KLHDC4: variants seen among roughly 807,000 people sequenced by gnomAD.
The protein encoded by KLHDC4 is kelch domain containing 4.
Under a neutral mutation model 62.4 loss-of-function variants are expected in KLHDC4, and 90 were observed. The ratio of observed to expected loss-of-function variants is 1.44; its 90% CI spans 1.22 to 1.72. The LOEUF (loss-of-function observed/expected upper bound fraction) is 1.72, where lower values mean the gene tolerates loss of function less well. Ranked by LOEUF, KLHDC4 falls within the 40% of genes most tolerant of loss-of-function variation. The probability of loss-of-function intolerance (pLI) is 0.00; values close to 1 mark genes in which losing one functional copy is unlikely to be tolerated. For synonymous variants in KLHDC4, 386 were observed against 284.4 expected (o/e 1.36, Z -3.59); for missense variants, 1,025 against 699.7 (o/e 1.47, Z -5.25).
At chr16:87,746,074 G>T (rs737637) in intron 5 of KLHDC4, among the ~76,000 whole-genome samples, 40,142 of 151,678 alleles carry the variant, frequency 0.26, 6,029 homozygotes, top group Non-Finnish European at 0.35. Flanking sequence ...GACCAACCTG[G>T]GCAACATGAC....
chr16:87,700,669 CGGAGGGA>C (rs1189339053), exon 1 of KLHDC4: 1 of 124,770 alleles, frequency 8.0e-6, no homozygotes, highest in Non-Finnish European at 1.4e-5. Flanking sequence ...GGGCAGAGGG[CGGAGGGA>C]GGAGGTTGGA....
intron 7 of KLHDC4, among the ~76,000 whole-genome samples, chr16:87,716,736 C>T (rs2037073789): frequency 6.6e-6 from 1 of 152,054 alleles, no homozygotes; most frequent in African/African-American, 2.4e-5. Flanking sequence ...CAAGACTAAT[C>T]CTGGCTAACA....
chr16:87,722,636 C>T (rs2038611816), intron 7 of KLHDC4, among the ~76,000 whole-genome samples: 1 of 152,240 alleles, frequency 6.6e-6, no homozygotes, highest in Admixed American at 6.5e-5. Flanking sequence ...AGTCTGTAAC[C>T]AGCAGGGAGG....
chr16:87,719,822 G>C (rs1013636725), intron 7 of KLHDC4, among the ~76,000 whole-genome samples: 2 of 152,206 alleles, frequency 1.3e-5, no homozygotes, highest in Non-Finnish European at 2.9e-5. Flanking sequence ...TGGAGGGTGA[G>C]CGCAACAGGG....
In KLHDC4 at chr16:87,752,243, CAAAAAAGAAAAAA is replaced by C. The variant is rs549306525; in HGVS notation, c.369+2938_369+2950del. ...GCAATATAGCGAGACCCGTTCTCCA[CAAAAAAGAAAAAA>C]AAAAAAGACCAAAAAGAAAAAAATG... On this transcript the variant is annotated intron_variant, in intron 4 of 11. Transcript: ENST00000270583. 4.4e-3 allele frequency among the ~76,000 whole-genome samples: 573 copies of C among 130,060 alleles called. 2 individuals are homozygous for C. Among genetic ancestry groups the C allele is most frequent in the Non-Finnish European group, 7.1e-3 (427 of 60,554 alleles). The allele number at this position is 130,060 out of a possible 152,430, so 85.3% of individuals were successfully genotyped here. A position where few individuals can be genotyped will look rare whatever the true frequency, so the allele number is the denominator to read the frequency against.
At chr16:87,711,196 C>A (rs1273316662) in intron 9 of KLHDC4, 39 bp downstream of exon 9, 2 of 1,607,114 alleles carry the variant, frequency 1.2e-6, no homozygotes, top group Non-Finnish European at 1.7e-6. Flanking sequence ...CAAGTTAGGG[C>A]TGCGCACCAC....
chr16:87,734,337 C>A (rs919220722), intron 5 of KLHDC4, among the ~76,000 whole-genome samples: 3 of 151,982 alleles, frequency 2.0e-5, no homozygotes, highest in African/African-American at 7.3e-5. Context: ...GAGCAAGACT[C>A]CGTCTCAAGA....
At chr16:87,709,972 A>C in intron 9 of KLHDC4, 2 of 375,006 alleles carry the variant, frequency 5.3e-6, no homozygotes, top group East Asian at 4.4e-5. Flanking sequence ...CAGACCCCAC[A>C]CACAGGGCAC....
At chr16:87,728,448 TC>T (rs145203000) in intron 6 of KLHDC4, among the ~76,000 whole-genome samples, 5,677 of 152,218 alleles carry the variant, frequency 0.037, 342 homozygotes, top group African/African-American at 0.13. Context: ...TAAGGAAAAC[TC>T]CCAAGTTGGT....
intron 7 of KLHDC4, among the ~76,000 whole-genome samples, chr16:87,720,360 T>C (rs1043184811): frequency 4.6e-5 from 7 of 151,994 alleles, no homozygotes; most frequent in Non-Finnish European, 1.0e-4. Context: ...ACAGAAACCA[T>C]GGGGGCCGCT....
chr16:87,756,158 C>A, intron 3 of KLHDC4: 1 of 371,940 alleles, frequency 2.7e-6, no homozygotes, highest in South Asian at 4.2e-5. Context: ...AGAGTGATGA[C>A]GGCAGAGCTG....
At chr16:87,702,030 A>C (rs747487810) in exon 1 of KLHDC4, 1 of 456,288 alleles carries the variant, frequency 2.2e-6, no homozygotes, top group South Asian at 1.5e-5. Flanking sequence ...ACAGAGGCTA[A>C]CGCCGGGTCT....
intron 4 of KLHDC4, 104 bp downstream of exon 4, chr16:87,755,090 C>T: frequency 1.3e-6 from 1 of 741,406 alleles, no homozygotes; most frequent in Non-Finnish European, 2.3e-6. Flanking sequence ...CTACAGGGCC[C>T]AGCCCCTCCG....
chr16:87,725,109 A>C (rs1267949982), intron 7 of KLHDC4, among the ~76,000 whole-genome samples: 2 of 152,096 alleles, frequency 1.3e-5, no homozygotes, highest in East Asian at 3.8e-4. Context: ...CTTGTTTAGC[A>C]GAAGCTCCAG....
intron 7 of KLHDC4, among the ~76,000 whole-genome samples, chr16:87,716,006 G>A (rs956821903): frequency 1.3e-5 from 2 of 152,158 alleles, no homozygotes; most frequent in Admixed American, 6.5e-5. Context: ...ACATTCTAAG[G>A]TCTTGTGGAT....
At chr16:87,764,969 G>C (rs939277514) in intron 1 of KLHDC4, 2 of 368,726 alleles carry the variant, frequency 5.4e-6, no homozygotes, top group South Asian at 3.9e-5. Context: ...AAGAGCTCCT[G>C]ATTCAGGACA....
chr16:87,722,345 T>C (rs1370410283), intron 7 of KLHDC4, among the ~76,000 whole-genome samples: 6 of 152,122 alleles, frequency 3.9e-5, no homozygotes, highest in African/African-American at 9.7e-5. Context: ...TGGGACGGGA[T>C]CTGGTTACAG....
chr16:87,707,373 G>A (rs568158370), downstream of KLHDC4, among the ~76,000 whole-genome samples: 5 of 152,376 alleles, frequency 3.3e-5, no homozygotes, highest in East Asian at 9.6e-4. Context: ...GACAGGGACA[G>A]GGATGGTCCC....
At chr16:87,702,346 G>A (rs1293433028) in exon 1 of KLHDC4, 1 of 450,784 alleles carries the variant, frequency 2.2e-6, no homozygotes, top group Non-Finnish European at 4.5e-6. Context: ...GAGGAAGATG[G>A]GTGTGAGGGT....
Sources: allele counts gnomAD v4.1 joint callset (sites outside exome capture counted in the v4.1 genomes callset), GRCh38; gene constraint gnomAD v4.1.1; transcripts MANE v1.5; gene names NCBI Gene and HGNC (gene_info 2026-07-23, HGNC 2026-07-21).